The following OTOGL variants were observed in gnomAD, a reference collection of about 807,000 sequenced individuals.
OTOGL encodes otogelin-like protein.
In OTOGL, 285 loss-of-function variants were observed where a neutral mutation model predicts 318.5. The ratio of observed to expected loss-of-function variants is 0.89; its 90% CI spans 0.81 to 0.99. The LOEUF (loss-of-function observed/expected upper bound fraction) is 0.99. OTOGL is among the 50% of genes least tolerant of loss of function. The pLI, the probability that OTOGL is intolerant of heterozygous loss-of-function variation, is 0.00. For synonymous variants in OTOGL, 987 were observed against 936.5 expected, an observed-to-expected ratio of 1.05 and a Z score of -0.99; for missense variants, 2,899 against 2,845.6, an observed-to-expected ratio of 1.02 and a Z score of -0.43.
intron 1 of OTOGL, among the ~76,000 whole-genome samples, chr12:80,179,660 C>T (rs1315307696): frequency 1.3e-5 from 2 of 152,112 alleles, no homozygotes; most frequent in African/African-American, 4.8e-5. Flanking sequence ...TTGGACAGAC[C>T]ATTGGTGTTG....
At chr12:80,108,801 G>GTA (rs201382053) in intron 1 of OTOGL, among the ~76,000 whole-genome samples, 7 of 130,284 alleles carry the variant, frequency 5.4e-5, no homozygotes, top group African/African-American at 1.5e-4. Flanking sequence ...ATATATATAT[G>GTA]TATATATATA....
At chr12:80,210,401 T>C (rs1020628645) in intron 2 of OTOGL, among the ~76,000 whole-genome samples, 3 of 151,930 alleles carry the variant, frequency 2.0e-5, no homozygotes, top group African/African-American at 4.8e-5. Flanking sequence ...ACCACAGAGG[T>C]CAAAGGTGCT....
At chr12:80,374,489 A>G (rs1891072683) in intron 57 of OTOGL, among the ~76,000 whole-genome samples, 1 of 152,216 alleles carries the variant, frequency 6.6e-6, no homozygotes, top group African/African-American at 2.4e-5. Flanking sequence ...AATTAGATAC[A>G]CACTGATTAA....
intron 44 of OTOGL, among the ~76,000 whole-genome samples, chr12:80,348,728 A>G (rs954557008): frequency 6.6e-6 from 1 of 152,144 alleles, no homozygotes; most frequent in South Asian, 2.1e-4. Context: ...GTCTTGTGCT[A>G]CACTCTTCTT....
chr12:80,218,503 C>T (rs1316243906), intron 5 of OTOGL, among the ~76,000 whole-genome samples: 2 of 152,142 alleles, frequency 1.3e-5, no homozygotes, highest in Non-Finnish European at 2.9e-5. Flanking sequence ...TGTGGTTCTC[C>T]TCATGTGTTA....
chr12:80,273,173 AT>A (rs1358113379), intron 24 of OTOGL, among the ~76,000 whole-genome samples: 1 of 152,110 alleles, frequency 6.6e-6, no homozygotes, highest in Non-Finnish European at 1.5e-5. Flanking sequence ...CTCTGACTGT[AT>A]TGAAATAAAT....
Position 80,353,313 on chromosome 12 carries a change from T to C in OTOGL, c.5408-12T>C. The C allele has an allele frequency of 7.1e-7, 1 of 1,412,820 alleles. No homozygotes were observed. The highest frequency in any genetic ancestry group is 9.3e-7 in the Non-Finnish European group (1 of 1,070,218). The allele number at this position is 1,412,820 out of a possible 1,614,324, so 87.5% of individuals were successfully genotyped here. ...TTTATCATTAGCAAATTTTGTCTCCTATTCTTCAAAGCCCTGAGTTGCCCA... is the reference window on the plus strand; with the variant it reads ...TTTATCATTAGCAAATTTTGTCTCCCATTCTTCAAAGCCCTGAGTTGCCCA... On this transcript the variant is annotated splice_polypyrimidine_tract_variant and intron_variant, in intron 45 of 58. Coordinates refer to ENST00000547103, the MANE Select transcript of OTOGL (RefSeq NM_001378609.3).
At chr12:80,249,729 G>A (rs865832786) in intron 11 of OTOGL, among the ~76,000 whole-genome samples, 1 of 152,170 alleles carries the variant, frequency 6.6e-6, no homozygotes, top group Non-Finnish European at 1.5e-5. Context: ...TTTACCTAAG[G>A]AAGCCTGGGC....
intron 1 of OTOGL, among the ~76,000 whole-genome samples, chr12:80,127,977 G>T (rs894501748): frequency 3.9e-5 from 6 of 152,020 alleles, no homozygotes; most frequent in African/African-American, 1.4e-4. Flanking sequence ...TCTTTGCCAT[G>T]GGTTCAAACT....
chr12:80,307,541 C>T lies in OTOGL; in HGVS notation c.3333+1846C>T, dbSNP rs555446974. Among the ~76,000 whole-genome samples the T allele has an allele frequency of 1.3e-4, 19 of 146,694 alleles. No homozygotes were observed. The South Asian group carries it at 2.2e-3, about 17-fold the overall frequency. On this transcript the variant is annotated intron_variant, in intron 29 of 58. Transcript: ENST00000547103. ...GCGGAGGCGCCCCTCACCTCCGGGA[C>T]GGGGCAGCTGGCCGGGTGGGGGGCT... is the stretch of plus-strand genomic sequence containing the variant.
chr12:80,293,323 A>G (rs890884003), intron 26 of OTOGL, among the ~76,000 whole-genome samples: 3 of 152,254 alleles, frequency 2.0e-5, no homozygotes, highest in Non-Finnish European at 4.4e-5. Context: ...TTAACACTAA[A>G]GTTAATTTTA....
intron 1 of OTOGL, among the ~76,000 whole-genome samples, chr12:80,143,550 C>A (rs1237472741): frequency 1.3e-5 from 2 of 152,166 alleles, no homozygotes; most frequent in Non-Finnish European, 2.9e-5. Context: ...CCTCCTGGAA[C>A]CCTGTGGAGT....
intron 7 of OTOGL, among the ~76,000 whole-genome samples, chr12:80,223,292 A>ATG (rs1193991681): frequency 6.6e-6 from 1 of 151,676 alleles, no homozygotes; most frequent in Non-Finnish European, 1.5e-5. Flanking sequence ...TATGGCATAT[A>ATG]TGTATATATA....
chr12:80,233,049 T>C lies in OTOGL; in HGVS notation c.769T>C (p.Cys257Arg), dbSNP rs779736142. ...EDHKGKSCGL[C>R]GNYNDIQSDD... is the part of the protein sequence containing the mutation. Reference sequence around the variant, plus strand: ...CCATAAGGGGAAATCATGTGGCCTATGTGGAAACTACAATGACATTCAATC... The same window carrying C: ...CCATAAGGGGAAATCATGTGGCCTACGTGGAAACTACAATGACATTCAATC... The change falls in exon 9 of 59, where the codon TGT becomes CGT. Residue 257 changes from cysteine (C) to arginine (R), a missense_variant. Transcript: ENST00000547103. 6.3e-7 allele frequency: 1 copy of C among 1,598,456 alleles called. No individual in the cohort carries two copies. Among genetic ancestry groups the C allele is most frequent in the South Asian group, 1.1e-5 (1 of 91,040 alleles).
intron 1 of OTOGL, among the ~76,000 whole-genome samples, chr12:80,148,117 G>C (rs1184439333): frequency 2.4e-4 from 36 of 151,326 alleles, no homozygotes; most frequent in Non-Finnish European, 5.9e-5. Flanking sequence ...TGGTGATTTT[G>C]CTCGTTAGTT....
intron 27 of OTOGL, among the ~76,000 whole-genome samples, chr12:80,301,385 A>C (rs1885749792): frequency 6.6e-6 from 1 of 152,160 alleles, no homozygotes; most frequent in Non-Finnish European, 1.5e-5. Context: ...TTCTTTTACT[A>C]TACAACCATG....
At chr12:80,170,699 G>A (rs577085266) in intron 1 of OTOGL, among the ~76,000 whole-genome samples, 2 of 152,164 alleles carry the variant, frequency 1.3e-5, no homozygotes, top group East Asian at 1.9e-4. Flanking sequence ...CTCCCAAAGC[G>A]CAGGGATTAC....
chr12:80,297,075 G>C (rs2137711321), intron 27 of OTOGL, 114 bp downstream of exon 27: 2 of 1,045,872 alleles, frequency 1.9e-6, no homozygotes, highest in East Asian at 5.9e-5. Flanking sequence ...TCTATGTTGT[G>C]TTTTGTTTTC....
chr12:80,356,812 G>T lies in OTOGL; in HGVS notation c.5917G>T (p.Asp1973Tyr). Reference sequence around the variant, plus strand: ...ATGTAATTTTGTTTCTGCAGAATGTGACCCATTGAAATGCCCCAGTATTTC... The same window carrying T: ...ATGTAATTTTGTTTCTGCAGAATGTTACCCATTGAAATGCCCCAGTATTTC... Reference protein sequence around the residue: ...SCCPQYKCECDPLKCPSISTP... With the variant: ...SCCPQYKCECYPLKCPSISTP... The change falls in exon 49 of 59, where the codon GAC becomes TAC. Residue 1973 changes from aspartate to tyrosine, a missense_variant. By Grantham distance (160) the Asp-to-Tyr change is radical (BLOSUM62 -3). This residue lies in a region of OTOGL where 2,607 missense variants were observed against 2,524.9 expected (regional missense o/e 1.03). Transcript: ENST00000547103. The T allele has an allele frequency of 6.3e-7, 1 of 1,589,664 alleles. No individual in the cohort carries two copies. The highest frequency in any genetic ancestry group is 8.6e-7 in the Non-Finnish European group (1 of 1,168,018).
Sources: allele counts gnomAD v4.1 joint callset (sites outside exome capture counted in the v4.1 genomes callset), GRCh38; gene constraint gnomAD v4.1.1; regional missense constraint gnomAD v4.1.1; transcripts MANE v1.5; gene names NCBI Gene and HGNC (gene_info 2026-07-23, HGNC 2026-07-21).